PCDHGB5: variants seen among roughly 807,000 people sequenced by gnomAD.
The protein encoded by PCDHGB5 is protocadherin gamma subfamily B, 5.
PCDHGB5 carries 48 observed loss-of-function variants against 62.9 expected under a neutral mutation model. That is an observed-to-expected ratio of 0.76 (90% CI 0.61 to 0.97). The LOEUF (loss-of-function observed/expected upper bound fraction) is 0.97, where lower values mean the gene tolerates loss of function less well. Among genes scored for constraint, PCDHGB5 ranks in the 50% least tolerant of loss-of-function variants. The pLI is 0.00. For missense variants in PCDHGB5, 1,118 were observed against 1,198.6 expected (o/e 0.93, Z 0.99); for synonymous variants, 474 against 511.2 (o/e 0.93, Z 0.98).
At chr5:141,488,331 T>C (rs535498873) in intron 1 of PCDHGB5, among the ~76,000 whole-genome samples, 22 of 152,218 alleles carry the variant, frequency 1.4e-4, no homozygotes, top group Non-Finnish European at 3.1e-4. Context: ...TACAGTTGGC[T>C]GATTCATAGA....
chr5:141,460,172 G>T (rs545017378), intron 1 of PCDHGB5, among the ~76,000 whole-genome samples: 1 of 151,852 alleles, frequency 6.6e-6, no homozygotes, highest in South Asian at 2.1e-4. Flanking sequence ...ATATTTTGTG[G>T]ATATTTTATC....
chr5:141,423,561 C>G (rs959698297), intron 1 of PCDHGB5: 7 of 1,613,628 alleles, frequency 4.3e-6, no homozygotes, highest in Non-Finnish European at 5.9e-6. Flanking sequence ...ACTATGGGGA[C>G]ACGCTCATCA....
rs922729367 is a variant in PCDHGB5, at chr5:141,398,616, C to T, written c.489C>T (p.Gly163=). The part of the protein sequence containing the change: ...ILEVAEDADI[G]LNSLQKYKLS... Reference sequence around the variant, plus strand: ...AAGTAGCAGAAGATGCAGATATTGGCTTAAACTCTCTGCAGAAGTATAAAC... The same window carrying T: ...AAGTAGCAGAAGATGCAGATATTGGTTTAAACTCTCTGCAGAAGTATAAAC... The change falls in exon 1 of 4, where the codon GGC becomes GGT. Residue 163 remains glycine, a synonymous_variant. Coordinates refer to ENST00000617380, the MANE Select transcript of PCDHGB5 (RefSeq NM_018925.3). 1 of 1,614,020 alleles carries T rather than the reference C, an allele frequency of 6.2e-7. No homozygotes were observed. Among genetic ancestry groups the T allele is most frequent in the Non-Finnish European group, 8.5e-7 (1 of 1,179,882 alleles).
At chr5:141,419,301 T>G in intron 1 of PCDHGB5, 6 of 1,613,998 alleles carry the variant, frequency 3.7e-6, no homozygotes, top group Non-Finnish European at 5.1e-6. Context: ...GACCCAGACT[T>G]CGGGCTCAAC....
intron 2 of PCDHGB5, among the ~76,000 whole-genome samples, chr5:141,496,334 G>T (rs959266723): frequency 2.6e-5 from 4 of 152,240 alleles, no homozygotes; most frequent in Admixed American, 6.5e-5. Context: ...GAAGTCAGGA[G>T]CCTGGAGGAG....
rs947567666 is a variant in PCDHGB5, at chr5:141,422,270, T to C, written c.2397+21746T>C. ...GATGTGAATGATAACGCTCCAGAAA[T>C]AACTATCACCTCTTCTATTAATTCA... On this transcript the variant is annotated intron_variant, in intron 1 of 3. Transcript: ENST00000617380. 2.6e-6 allele frequency: 4 copies of C among 1,562,452 alleles called. No homozygotes were observed. The East Asian group carries it at 9.0e-5, about 35-fold the overall frequency.
At chr5:141,448,488 C>A (rs568050769) in intron 1 of PCDHGB5, among the ~76,000 whole-genome samples, 1 of 152,280 alleles carries the variant, frequency 6.6e-6, no homozygotes, top group African/African-American at 2.4e-5. Context: ...TTCCTCCTGT[C>A]CCCTGTAGGT....
In PCDHGB5 at chr5:141,511,555, C is replaced by T; in HGVS notation, c.*382C>T. 1 of 305,302 alleles carries T rather than the reference C, an allele frequency of 3.3e-6. No individual in the cohort carries two copies. Among genetic ancestry groups the T allele is most frequent in the South Asian group, 3.6e-5 (1 of 28,078 alleles). 18.9% of individuals were successfully genotyped at this position (305,302 alleles called of 1,614,324 possible). ...CCTCCCCACCCCACTCCAACAGTTC[C>T]TCTTTCCCGAGTAAGGTGGTTGGGG... On this transcript the variant is annotated 3_prime_UTR_variant, in exon 4 of 4. Coordinates refer to ENST00000617380, the MANE Select transcript of PCDHGB5 (RefSeq NM_018925.3).
chr5:141,498,807 C>G (rs113587634), intron 2 of PCDHGB5, among the ~76,000 whole-genome samples: 1 of 152,030 alleles, frequency 6.6e-6, no homozygotes, highest in Non-Finnish European at 1.5e-5. Flanking sequence ...GTGGTGCACA[C>G]CTGTAGTCCC....
In PCDHGB5 at chr5:141,485,798, C is replaced by T. The variant is rs764109672; in HGVS notation, c.2398-9009C>T. The T allele has an allele frequency of 2.0e-5, 32 of 1,614,172 alleles. No individual in the cohort carries two copies. The highest frequency in any genetic ancestry group is 1.1e-4 in the East Asian group (5 of 44,876). ...GGATCGAGAGAAGCAATCGGACTAC[C>T]GCCTGGTGCTGACTGCTGTCGATGG... is the stretch of plus-strand genomic sequence containing the variant. On this transcript the variant is annotated intron_variant, in intron 1 of 3. Coordinates refer to ENST00000617380, the MANE Select transcript of PCDHGB5 (RefSeq NM_018925.3). The surrounding 1 kb of genome is among the most constrained non-coding windows in gnomAD (Gnocchi z 5.7).
At chr5:141,503,474 T>C (rs2099820145) in intron 2 of PCDHGB5, among the ~76,000 whole-genome samples, 1 of 151,828 alleles carries the variant, frequency 6.6e-6, no homozygotes, top group South Asian at 2.1e-4. Context: ...ATGTGTGCAC[T>C]TGTCGTCCCA....
intron 1 of PCDHGB5, among the ~76,000 whole-genome samples, chr5:141,464,022 TG>T (rs948245337): frequency 1.3e-5 from 2 of 151,716 alleles, no homozygotes; most frequent in African/African-American, 4.8e-5. Context: ...TCCCACACTT[TG>T]GGAGGCCAAG....
chr5:141,476,184 T>C lies in PCDHGB5; in HGVS notation c.2398-18623T>C, dbSNP rs1038598087. ...AGGGTAGTGGGAGTTTTGCTTCTGC[T>C]TGGTGCCTTGAACAAGGCTTCCACG... On this transcript the variant is annotated intron_variant, in intron 1 of 3. Coordinates refer to ENST00000617380, the MANE Select transcript of PCDHGB5 (RefSeq NM_018925.3). The surrounding 1 kb of genome is among the most constrained non-coding windows in gnomAD (Gnocchi z 7.6). 1 of 1,613,708 alleles carries C rather than the reference T, an allele frequency of 6.2e-7. No homozygotes were observed. Among genetic ancestry groups the C allele is most frequent in the Non-Finnish European group, 8.5e-7 (1 of 1,179,992 alleles).
In PCDHGB5 at chr5:141,408,711, A is replaced by T. The variant is rs763392682; in HGVS notation, c.2397+8187A>T. The T allele has an allele frequency of 9.3e-6, 15 of 1,612,568 alleles. No homozygotes were observed. In the East Asian group the frequency reaches 3.3e-4, roughly 36 times the overall value. On this transcript the variant is annotated intron_variant, in intron 1 of 3. Transcript: ENST00000617380. The stretch of plus-strand genomic sequence containing the variant: ...ATAAACATAAACTCAATTAAAGATT[A>T]TAAGATAAACTCTAATCCTTATTTT...
Position 141,505,383 on chromosome 5 carries a change from C to T in PCDHGB5, c.2457-10C>T, listed in dbSNP as rs369765886. On this transcript the variant is annotated splice_polypyrimidine_tract_variant and intron_variant, in intron 2 of 3. Coordinates refer to ENST00000617380, the MANE Select transcript of PCDHGB5 (RefSeq NM_018925.3). Reference sequence around the variant, plus strand: ...GGGAGTCTGTGCTCACCATCCTACTCTCTCCCCAGCTCCCAAAATGGCGAT... The same window carrying T: ...GGGAGTCTGTGCTCACCATCCTACTTTCTCCCCAGCTCCCAAAATGGCGAT... The T allele has an allele frequency of 1.2e-6, 2 of 1,613,944 alleles. No individual in the cohort carries two copies. Among genetic ancestry groups the T allele is most frequent in the African/African-American group, 2.7e-5 (2 of 74,914 alleles).
chr5:141,474,710 A>T (rs535069070), intron 1 of PCDHGB5, among the ~76,000 whole-genome samples: 31 of 152,330 alleles, frequency 2.0e-4, no homozygotes, highest in African/African-American at 6.3e-4. Context: ...GTTCTATTAT[A>T]CTTCAAAAGG....
At position 141,490,502 on chromosome 5, in the gene PCDHGB5, T is replaced by C. The variant is rs1408615048; in HGVS notation, c.2398-4305T>C. On this transcript the variant is annotated intron_variant, in intron 1 of 3. Transcript: ENST00000617380. The surrounding 1 kb of genome is among the most constrained non-coding windows in gnomAD (Gnocchi z 5.4). Reference sequence around the variant, plus strand: ...GACCGGGAGGCCACATCCCACTATATCATCGAGCTGCTGGCCAGCGATGCT... The same window carrying C: ...GACCGGGAGGCCACATCCCACTATACCATCGAGCTGCTGGCCAGCGATGCT... 1.2e-6 allele frequency: 2 copies of C among 1,614,094 alleles called. No individual in the cohort carries two copies. The highest frequency in any genetic ancestry group is 1.1e-5 in the South Asian group (1 of 91,076).
At chr5:141,481,210 G>A (rs1351826116) in intron 1 of PCDHGB5, among the ~76,000 whole-genome samples, 2 of 152,128 alleles carry the variant, frequency 1.3e-5, no homozygotes, top group Admixed American at 1.3e-4. Context: ...TAAAAAACAT[G>A]GTAAGGTCTC....
intron 1 of PCDHGB5, among the ~76,000 whole-genome samples, chr5:141,461,001 A>C (rs1309762345): frequency 6.7e-6 from 1 of 150,320 alleles, no homozygotes; most frequent in Admixed American, 6.7e-5. Context: ...ATATATGTGT[A>C]TATATATATA....
Sources: allele counts gnomAD v4.1 joint callset (sites outside exome capture counted in the v4.1 genomes callset), GRCh38; gene constraint gnomAD v4.1.1; non-coding constraint Gnocchi (gnomAD v3.1); transcripts MANE v1.5; gene names NCBI Gene and HGNC (gene_info 2026-07-23, HGNC 2026-07-21).